The following FAT3 variants were observed in gnomAD, a reference collection of about 807,000 sequenced individuals.
FAT3 encodes the protein FAT atypical cadherin 3.
FAT3 carries 95 observed loss-of-function variants against 310.2 expected under a neutral mutation model. The ratio of observed to expected loss-of-function variants is 0.31; its 90% confidence interval spans 0.26 to 0.36. The LOEUF (loss-of-function observed/expected upper bound fraction) is 0.36, where lower values mean the gene tolerates loss of function less well. Ranked by LOEUF, FAT3 falls within the 10% of genes least tolerant of loss-of-function variation. The pLI is 1.00. For synonymous variants in FAT3, 2,314 were observed against 2,192.9 expected (o/e 1.06, Z -1.54); for missense variants, 5,408 against 5,715.6 (o/e 0.95, Z 1.74).
At chr11:92,783,099 C>T (rs1946795686) in intron 7 of FAT3, among the ~76,000 whole-genome samples, 1 of 152,034 alleles carries the variant, frequency 6.6e-6, no homozygotes, top group Non-Finnish European at 1.5e-5. Flanking sequence ...ATGGCTCACG[C>T]CTGTAATCCC....
intron 14 of FAT3, among the ~76,000 whole-genome samples, chr11:92,833,199 C>T (rs1170993293): frequency 3.9e-5 from 6 of 152,068 alleles, no homozygotes; most frequent in South Asian, 2.1e-4. Context: ...ATCCCAAAGC[C>T]CTTTGGTGAA....
intron 2 of FAT3, among the ~76,000 whole-genome samples, chr11:92,415,061 T>C (rs1310495542): frequency 6.6e-6 from 1 of 152,150 alleles, no homozygotes; most frequent in African/African-American, 2.4e-5. Flanking sequence ...ATTTGGCTTG[T>C]ATTTTAATAT....
intron 2 of FAT3, among the ~76,000 whole-genome samples, chr11:92,471,992 TTATG>T (rs1951921497): frequency 1.4e-5 from 2 of 146,894 alleles, no homozygotes; most frequent in African/African-American, 2.5e-5. Context: ...GTATGTATAT[TTATG>T]TATGTAATTT....
chr11:92,278,691 C>T (rs1946344089), intron 1 of FAT3, among the ~76,000 whole-genome samples: 1 of 151,918 alleles, frequency 6.6e-6, no homozygotes, highest in Non-Finnish European at 1.5e-5. Context: ...AGAATAAAAA[C>T]AAGTTGTGAG....
intron 4 of FAT3, among the ~76,000 whole-genome samples, chr11:92,754,627 C>CAGAAAAAAAAA (rs1945934301): frequency 3.1e-5 from 1 of 32,724 alleles, no homozygotes; most frequent in African/African-American, 2.3e-4. Flanking sequence ...GACTCTGCCT[C>CAGAAAAAAAAA]AAAAAAAAAA....
chr11:92,293,482 C>A, intron 1 of FAT3, among the ~76,000 whole-genome samples: 2 of 135,198 alleles, frequency 1.5e-5, no homozygotes, highest in South Asian at 2.4e-4. Flanking sequence ...TGATATATAA[C>A]CAGTTTTCAA....
chr11:92,827,649 G>C (rs1948135470), intron 13 of FAT3, among the ~76,000 whole-genome samples: 1 of 151,944 alleles, frequency 6.6e-6, no homozygotes, highest in Non-Finnish European at 1.5e-5. Flanking sequence ...CCATTGAGAG[G>C]AACATGGACT....
At chr11:92,727,765 A>G (rs1945041788) in intron 4 of FAT3, among the ~76,000 whole-genome samples, 1 of 152,178 alleles carries the variant, frequency 6.6e-6, no homozygotes. Context: ...TTGTCTTTAA[A>G]GTGACAGGCT....
rs1203418365 is a variant in FAT3 at position 92,798,999 on chromosome 11, A to G, written c.5986A>G (p.Thr1996Ala). ...FYSTSISENN[T>A]NITKVAIVNA... ...TTCCACCTCAATCTCAGAGAACAAC[A>G]CTAACATAACCAAAGTTGCTATTGT... The change falls in exon 10 of 28, where the codon ACT becomes GCT. Residue 1996 changes from threonine (T) to alanine (A), a missense_variant. By Grantham distance (58) the Thr-to-Ala change is moderately conservative. Coordinates refer to ENST00000525166, the MANE Select transcript of FAT3 (RefSeq NM_001367949.2). The G allele has an allele frequency of 1.2e-6, 2 of 1,613,912 alleles. No individual in the cohort carries two copies. The highest frequency in any genetic ancestry group is 1.7e-6 in the Non-Finnish European group (2 of 1,179,854).
chr11:92,654,671 A>G (rs1463479364), intron 3 of FAT3, among the ~76,000 whole-genome samples: 1 of 152,304 alleles, frequency 6.6e-6, no homozygotes, highest in Non-Finnish European at 1.5e-5. Flanking sequence ...CACCACTACT[A>G]TATTTACTGC....
intron 1 of FAT3, among the ~76,000 whole-genome samples, chr11:92,227,549 C>T (rs1206116140): frequency 6.6e-6 from 1 of 152,102 alleles, no homozygotes; most frequent in African/African-American, 2.4e-5. Flanking sequence ...ATTTCTTCTC[C>T]ACCAGCAGAC....
intron 18 of FAT3, among the ~76,000 whole-genome samples, chr11:92,841,361 G>A (rs1948544098): frequency 6.6e-6 from 1 of 152,184 alleles, no homozygotes; most frequent in Admixed American, 6.5e-5. Flanking sequence ...CAGGGAAACT[G>A]AGTGACTTTT....
At chr11:92,425,119 G>GT (rs1297879747) in intron 2 of FAT3, among the ~76,000 whole-genome samples, 4 of 151,968 alleles carry the variant, frequency 2.6e-5, no homozygotes, top group African/African-American at 9.7e-5. Flanking sequence ...GAATCTTTGG[G>GT]TTTTTTTCCA....
chr11:92,863,202 C>G (rs1949161961), intron 21 of FAT3, among the ~76,000 whole-genome samples: 1 of 152,082 alleles, frequency 6.6e-6, no homozygotes. Context: ...CTCAGCCTCC[C>G]AAGTAGCTAG....
chr11:92,503,228 A>T (rs1211182150), intron 2 of FAT3, among the ~76,000 whole-genome samples: 1 of 152,126 alleles, frequency 6.6e-6, no homozygotes, highest in African/African-American at 2.4e-5. Flanking sequence ...TTGGAAAATA[A>T]TGTTTGATTC....
intron 1 of FAT3, among the ~76,000 whole-genome samples, chr11:92,348,451 C>T (rs1948473032): frequency 6.6e-6 from 1 of 152,106 alleles, no homozygotes; most frequent in Admixed American, 6.6e-5. Context: ...CATTCTTTGC[C>T]TTGAAAGATT....
At chr11:92,458,224 C>G (rs1004110648) in intron 2 of FAT3, among the ~76,000 whole-genome samples, 1 of 152,024 alleles carries the variant, frequency 6.6e-6, no homozygotes, top group Non-Finnish European at 1.5e-5. Flanking sequence ...GTATTTTTGC[C>G]CTGGAGACTT....
intron 3 of FAT3, among the ~76,000 whole-genome samples, chr11:92,630,755 C>T (rs969649374): frequency 6.6e-6 from 1 of 152,094 alleles, no homozygotes. Context: ...CTTGTGACAG[C>T]CTTCTGGCAG....
chr11:92,485,217 A>C (rs1952343327), intron 2 of FAT3, among the ~76,000 whole-genome samples: 1 of 152,234 alleles, frequency 6.6e-6, no homozygotes. Context: ...GAATTCTAGT[A>C]TTGGTTTATA....
Sources: allele counts gnomAD v4.1 joint callset (sites outside exome capture counted in the v4.1 genomes callset), GRCh38; gene constraint gnomAD v4.1.1; transcripts MANE v1.5; gene names NCBI Gene and HGNC (gene_info 2026-07-23, HGNC 2026-07-21).